Variants in BMPR1B observed in about 807,000 individuals in gnomAD.
BMPR1B encodes the protein bone morphogenetic protein receptor type 1B, also known as bone morphogenetic protein receptor type-1B.
In BMPR1B, 12 loss-of-function variants were observed where a neutral mutation model predicts 59.1. The observed-to-expected ratio is 0.20, with a 90% CI of 0.13 to 0.33. The LOEUF (loss-of-function observed/expected upper bound fraction) is 0.33. Ranked by LOEUF, BMPR1B falls within the 10% of genes least tolerant of loss-of-function variation. The probability of loss-of-function intolerance (pLI) is 1.00; values close to 1 mark genes in which losing one functional copy is unlikely to be tolerated. For synonymous variants in BMPR1B, 237 were observed against 207.3 expected, an observed-to-expected ratio of 1.14 and a Z score of -1.23; for missense variants, 550 against 610.9, an observed-to-expected ratio of 0.90 and a Z score of 1.05.
intron 2 of BMPR1B, among the ~76,000 whole-genome samples, chr4:94,916,103 A>G (rs183561582): frequency 6.8e-4 from 103 of 152,286 alleles, no homozygotes; most frequent in African/African-American, 2.4e-3. Context: ...GAGCTGGTTA[A>G]ACCTCTTTTC....
At chr4:94,905,421 G>T (rs940719063) in intron 2 of BMPR1B, among the ~76,000 whole-genome samples, 2 of 151,948 alleles carry the variant, frequency 1.3e-5, no homozygotes, top group African/African-American at 4.8e-5. Context: ...TTTATAATTA[G>T]CTTATAGTTT....
chr4:95,136,174 A>T (rs969507631), intron 10 of BMPR1B, among the ~76,000 whole-genome samples: 3 of 152,134 alleles, frequency 2.0e-5, no homozygotes, highest in East Asian at 1.9e-4. Flanking sequence ...AACCAAAAAA[A>T]GTCCAGGACC....
chr4:95,133,234 TC>T (rs1477847879), intron 10 of BMPR1B, among the ~76,000 whole-genome samples: 1 of 152,204 alleles, frequency 6.6e-6, no homozygotes, highest in Non-Finnish European at 1.5e-5. Flanking sequence ...TCTTTGTCTC[TC>T]CTATTTCCAG....
At chr4:94,990,619 A>C (rs1198403012) in intron 2 of BMPR1B, among the ~76,000 whole-genome samples, 1 of 152,244 alleles carries the variant, frequency 6.6e-6, no homozygotes, top group East Asian at 1.9e-4. Context: ...CTGAAGAAAG[A>C]AGAAAACACA....
chr4:95,158,364 T>C lies in BMPR1B; in HGVS notation c.*3691T>C, dbSNP rs529344145. 1 of 152,294 alleles carries C rather than the reference T, an allele frequency of 6.6e-6. No individual in the cohort carries two copies. The highest frequency in any genetic ancestry group is 2.4e-5 in the African/African-American group (1 of 41,542). 9.4% of individuals were successfully genotyped at this position (152,294 alleles called of 1,614,324 possible). A position where few individuals can be genotyped will look rare whatever the true frequency, so the allele number is the denominator to read the frequency against. The stretch of plus-strand genomic sequence containing the variant: ...TATTCAGGACTAGGGAACAAACAAT[T>C]GTATTGTATTTGTTACAGATTGTAT... On this transcript the variant is annotated 3_prime_UTR_variant, in exon 13 of 13. Coordinates refer to ENST00000515059, the MANE Select transcript of BMPR1B (RefSeq NM_001203.3).
chr4:94,847,944 G>T (rs1348132760), intron 1 of BMPR1B, among the ~76,000 whole-genome samples: 1 of 152,058 alleles, frequency 6.6e-6, no homozygotes, highest in Non-Finnish European at 1.5e-5. Flanking sequence ...GTAACACGAA[G>T]AAATGATAAA....
chr4:95,125,091 C>T lies in BMPR1B; in HGVS notation c.555C>T (p.Ser185=), dbSNP rs1243705403. The T allele has an allele frequency of 7.4e-6, 12 of 1,613,684 alleles. No individual in the cohort carries two copies. The highest frequency in any genetic ancestry group is 1.0e-5 in the Non-Finnish European group (12 of 1,179,824). Residue 185 remains serine, a synonymous_variant, in exon 8 of 13, where the codon AGC becomes AGT. Coordinates refer to ENST00000515059, the MANE Select transcript of BMPR1B (RefSeq NM_001203.3). ...SLRDLIEQSQ[S]SGSGSGLPLL... is the part of the protein sequence containing the mutation. ...GAGACTTAATTGAGCAGTCTCAGAG[C>T]TCAGGAAGTGGATCAGGCCTCCCTC...
chr4:95,058,800 A>G lies in BMPR1B; in HGVS notation c.-17-45608A>G, dbSNP rs183129714. ...ATTTTTTCAAATCTGAAAAATTCAAATCAGTATTTCAAATCACTATTTTTT... is the reference window on the plus strand; with the variant it reads ...ATTTTTTCAAATCTGAAAAATTCAAGTCAGTATTTCAAATCACTATTTTTT... On this transcript the variant is annotated intron_variant, in intron 3 of 12. Coordinates refer to ENST00000515059, the MANE Select transcript of BMPR1B (RefSeq NM_001203.3). 1.7e-3 allele frequency among the ~76,000 whole-genome samples: 254 copies of G among 152,298 alleles called. 2 individuals are homozygous for G. Among genetic ancestry groups the G allele is most frequent in the African/African-American group, 5.9e-3 (247 of 41,560 alleles).
At chr4:94,870,905 G>A (rs1726462484) in intron 1 of BMPR1B, among the ~76,000 whole-genome samples, 1 of 152,040 alleles carries the variant, frequency 6.6e-6, no homozygotes, top group South Asian at 2.1e-4. Flanking sequence ...TGTGGAAATA[G>A]CCTTAGGTGA....
chr4:94,874,509 T>G (rs1726638109), intron 1 of BMPR1B, among the ~76,000 whole-genome samples: 1 of 152,092 alleles, frequency 6.6e-6, no homozygotes, highest in Admixed American at 6.5e-5. Flanking sequence ...TATAGAAAAA[T>G]ATATTTTATA....
chr4:94,843,589 T>G (rs1307308128), intron 1 of BMPR1B, among the ~76,000 whole-genome samples: 1 of 152,190 alleles, frequency 6.6e-6, no homozygotes, highest in Non-Finnish European at 1.5e-5. Flanking sequence ...AGACCTTTAT[T>G]TTAGTTAATC....
intron 1 of BMPR1B, among the ~76,000 whole-genome samples, chr4:94,772,618 T>G: frequency 6.6e-6 from 1 of 152,290 alleles, no homozygotes; most frequent in East Asian, 1.9e-4. Flanking sequence ...TGCAAAAATG[T>G]AATAAGATAT....
At chr4:94,903,963 T>G (rs7698986) in intron 2 of BMPR1B, among the ~76,000 whole-genome samples, 27,097 of 152,048 alleles carry the variant, frequency 0.18, 2,547 homozygotes, top group South Asian at 0.22. Context: ...ACAGCAGCCC[T>G]AGCAAACTAA....
chr4:95,132,971 C>T (rs1733482279), intron 10 of BMPR1B, among the ~76,000 whole-genome samples: 2 of 152,168 alleles, frequency 1.3e-5, no homozygotes, highest in Admixed American at 1.3e-4. Flanking sequence ...TCCACTGGCT[C>T]TGCTCTCTTT....
At chr4:94,832,747 C>T (rs1190623102) in intron 1 of BMPR1B, among the ~76,000 whole-genome samples, 1 of 152,090 alleles carries the variant, frequency 6.6e-6, no homozygotes, top group East Asian at 1.9e-4. Context: ...CGTGCCACTG[C>T]ACTACAGCCT....
intron 1 of BMPR1B, among the ~76,000 whole-genome samples, chr4:94,849,042 G>A (rs905849238): frequency 3.3e-5 from 5 of 152,148 alleles, no homozygotes; most frequent in African/African-American, 1.2e-4. Context: ...GCTGGCTCCA[G>A]ATAAAAGTTT....
intron 11 of BMPR1B, 39 bp downstream of exon 11, chr4:95,148,962 G>A: frequency 6.2e-7 from 1 of 1,607,508 alleles, no homozygotes; most frequent in Non-Finnish European, 8.5e-7. Flanking sequence ...TACTATTGGA[G>A]CTACTATAAA....
chr4:95,057,128 A>G (rs1174734521), intron 3 of BMPR1B, among the ~76,000 whole-genome samples: 1 of 152,210 alleles, frequency 6.6e-6, no homozygotes, highest in African/African-American at 2.4e-5. Context: ...GGCTTGGTGT[A>G]TAGAGGAATC....
chr4:95,076,953 A>C (rs1318937513), intron 3 of BMPR1B, among the ~76,000 whole-genome samples: 2 of 152,170 alleles, frequency 1.3e-5, no homozygotes, highest in African/African-American at 4.8e-5. Flanking sequence ...TAAGAACCTT[A>C]GAACTGTTAG....
Sources: allele counts gnomAD v4.1 joint callset (sites outside exome capture counted in the v4.1 genomes callset), GRCh38; gene constraint gnomAD v4.1.1; transcripts MANE v1.5; gene names NCBI Gene and HGNC (gene_info 2026-07-23, HGNC 2026-07-21).